Variants in ATP1A3 observed in about 807,000 individuals in gnomAD.
ATP1A3 encodes sodium/potassium-transporting ATPase subunit alpha-3.
ATP1A3 carries 12 observed loss-of-function variants against 108.8 expected under a neutral mutation model. The observed-to-expected ratio is 0.11, with a 90% CI of 0.07 to 0.18. The LOEUF is 0.18. Among genes scored for constraint, ATP1A3 ranks in the 10% least tolerant of loss-of-function variants. The probability of loss-of-function intolerance (pLI) is 1.00; values close to 1 mark genes in which losing one functional copy is unlikely to be tolerated. For missense variants in ATP1A3, 498 were observed against 1,387.7 expected, an observed-to-expected ratio of 0.36 and a Z score of 10.19; for synonymous variants, 539 against 564.5, an observed-to-expected ratio of 0.95 and a Z score of 0.64.
intron 16 of ATP1A3, among the ~76,000 whole-genome samples, chr19:41,974,076 CA>C (rs2075140782): frequency 6.6e-6 from 1 of 152,014 alleles, no homozygotes; most frequent in Admixed American, 6.6e-5. Flanking sequence ...ACTAAAAATA[CA>C]AAAATTAGCC....
chr19:41,970,367 A>G (rs1555859560), intron 17 of ATP1A3, 21 bp downstream of exon 17: 1 of 1,614,200 alleles, frequency 6.2e-7, no homozygotes, highest in Non-Finnish European at 8.5e-7. Context: ...CTGGGCCCCA[A>G]GGGTGGCTGC....
At chr19:41,975,260 C>T (rs1555860700) in intron 16 of ATP1A3, among the ~76,000 whole-genome samples, 1 of 152,184 alleles carries the variant, frequency 6.6e-6, no homozygotes, top group Non-Finnish European at 1.5e-5. Flanking sequence ...ACCATGTTAG[C>T]CAGGATGGTC....
At position 41,981,941 on chromosome 19, in the gene ATP1A3, T is replaced by G; in HGVS notation, c.1159A>C (p.Ile387Leu). The change falls in exon 9 of 23, where the codon ATC (isoleucine) becomes CTC (leucine). Residue 387 changes from isoleucine to leucine, a missense_variant. Ile to Leu is a conservative substitution (Grantham distance 5). This residue lies in a region of ATP1A3 where 36 missense variants were observed against 58.7 expected (regional missense o/e 0.61). Coordinates refer to ENST00000648268, the MANE Select transcript of ATP1A3 (RefSeq NM_152296.5). The surrounding 1 kb of genome is among the most constrained non-coding windows in gnomAD (Gnocchi z 5.0). Reference protein sequence around the residue: ...TVAHMWFDNQIHEADTTEDQS... With the variant: ...TVAHMWFDNQLHEADTTEDQS... ...TCCTCAGTGGTGTCAGCCTCGTGGA[T>G]CTGGTTGTCAAACCACATGTGGGCG... 6.2e-7 allele frequency: 1 copy of G among 1,614,122 alleles called. No homozygotes were observed. The highest frequency in any genetic ancestry group is 1.1e-5 in the South Asian group (1 of 91,080).
At chr19:41,986,314 G>A in intron 4 of ATP1A3, 85 bp from the exon 5 acceptor site, 4 of 1,364,992 alleles carry the variant, frequency 2.9e-6, no homozygotes, top group Middle Eastern at 1.8e-4. Flanking sequence ...TGGGAAGGGA[G>A]CTTTGTGTCA....
intron 18 of ATP1A3, 126 bp from the exon 19 acceptor site, chr19:41,969,706 G>T: frequency 7.3e-7 from 1 of 1,361,248 alleles, no homozygotes; most frequent in Non-Finnish European, 1.0e-6. Flanking sequence ...CTGTTATCTG[G>T]ACATTGGTTC....
At chr19:41,989,919 GTC>G (rs1183968435) in intron 1 of ATP1A3, among the ~76,000 whole-genome samples, 1 of 151,690 alleles carries the variant, frequency 6.6e-6, no homozygotes, top group African/African-American at 2.4e-5. Flanking sequence ...CTATGATTTT[GTC>G]TCTCTCTGAT....
chr19:41,983,884 C>T (rs1293244954), intron 8 of ATP1A3, among the ~76,000 whole-genome samples: 1 of 149,298 alleles, frequency 6.7e-6, no homozygotes, highest in Non-Finnish European at 1.5e-5. Context: ...AAGCTATTCT[C>T]CTGTCTCAGC....
rs1271637417 is a variant in ATP1A3 at position 41,976,301 on chromosome 19, C to T, written c.2094+115G>A. Reference sequence around the variant, plus strand: ...GCCCCCAGACCCTCCTCTCTCAGACCCAGGGGTCCAGACCCCCAGCCCCTC... The same window carrying T: ...GCCCCCAGACCCTCCTCTCTCAGACTCAGGGGTCCAGACCCCCAGCCCCTC... On this transcript the variant is annotated intron_variant, in intron 15 of 22. Coordinates refer to ENST00000648268, the MANE Select transcript of ATP1A3 (RefSeq NM_152296.5). The T allele has an allele frequency of 2.1e-6, 3 of 1,444,480 alleles. No homozygotes were observed. In the African/African-American group the frequency reaches 4.2e-5, roughly 20 times the overall value. The allele number at this position is 1,444,480 out of a possible 1,614,324, so 89.5% of individuals were successfully genotyped here.
At chr19:41,970,010 A>G (rs1259638795) in intron 18 of ATP1A3, among the ~76,000 whole-genome samples, 175 bp downstream of exon 18, 1 of 152,028 alleles carries the variant, frequency 6.6e-6, no homozygotes, top group African/African-American at 2.4e-5. Flanking sequence ...AACAGCAGAG[A>G]GGAGGAGGTG....
chr19:41,984,412 A>G (rs2075266523), intron 8 of ATP1A3: 1 of 157,492 alleles, frequency 6.3e-6, no homozygotes, highest in Admixed American at 6.0e-5. Flanking sequence ...TTCAGTAGAG[A>G]CAGGGTTTCA....
intron 16 of ATP1A3, among the ~76,000 whole-genome samples, chr19:41,972,856 A>G (rs2075126031): frequency 2.3e-5 from 3 of 128,790 alleles, no homozygotes; most frequent in African/African-American, 9.2e-5. Flanking sequence ...GAAGGAAGGA[A>G]GGAAAGAAGG....
intron 14 of ATP1A3, among the ~76,000 whole-genome samples, 200 bp downstream of exon 14, chr19:41,977,736 G>A (rs1055390849): frequency 6.6e-6 from 1 of 152,094 alleles, no homozygotes; most frequent in Non-Finnish European, 1.5e-5. Flanking sequence ...AATAAAGGCT[G>A]GGATGCAAAC....
chr19:41,983,490 C>T (rs1555864151), intron 8 of ATP1A3, among the ~76,000 whole-genome samples: 2 of 151,558 alleles, frequency 1.3e-5, no homozygotes, highest in Non-Finnish European at 2.9e-5. Context: ...TCAATATGCT[C>T]ACAGCTGTCA....
chr19:41,967,398 C>CAGGGGACTGG lies in ATP1A3; in HGVS notation c.2922-68_2922-59dup. ...GGGGCCCTAACGAGAGGCAGAGTTTCAGGGGACTGGAGGGGACGCAGAGGG... is the reference window on the plus strand; with the variant it reads ...GGGGCCCTAACGAGAGGCAGAGTTTCAGGGGACTGGAGGGGACTGGAGGGGACGCAGAGGG... On this transcript the variant is annotated intron_variant, in intron 21 of 22. Coordinates refer to ENST00000648268, the MANE Select transcript of ATP1A3 (RefSeq NM_152296.5). This position sits in a 1 kb window ranked among gnomAD's most constrained non-coding sequence, Gnocchi z 4.2. The CAGGGGACTGG allele has an allele frequency of 6.4e-7, 1 of 1,562,798 alleles. No homozygotes were observed. Among genetic ancestry groups the CAGGGGACTGG allele is most frequent in the Non-Finnish European group, 8.7e-7 (1 of 1,148,604 alleles).
chr19:41,990,441 GTCTC>G (rs2075326458), intron 1 of ATP1A3, among the ~76,000 whole-genome samples: 1 of 92,714 alleles, frequency 1.1e-5, no homozygotes, highest in African/African-American at 4.5e-5. Context: ...CCCTCTCTCT[GTCTC>G]TCTCAAATCT....
chr19:41,967,383 CGA>C lies in ATP1A3; in HGVS notation c.2922-45_2922-44del. 2 of 1,585,464 alleles carry C rather than the reference CGA, an allele frequency of 1.3e-6. No individual in the cohort carries two copies. Among genetic ancestry groups the C allele is most frequent in the Non-Finnish European group, 1.7e-6 (2 of 1,167,004 alleles). ...GGAGGGCTTGAGTGCGGGGCCCTAA[CGA>C]GAGGCAGAGTTTCAGGGGACTGGAG... On this transcript the variant is annotated intron_variant, in intron 21 of 22. Coordinates refer to ENST00000648268, the MANE Select transcript of ATP1A3 (RefSeq NM_152296.5). This position sits in a 1 kb window ranked among gnomAD's most constrained non-coding sequence, Gnocchi z 4.2.
intron 15 of ATP1A3, among the ~76,000 whole-genome samples, 166 bp downstream of exon 15, chr19:41,976,250 C>A (rs1414675383): frequency 4.0e-5 from 6 of 148,168 alleles, no homozygotes; most frequent in African/African-American, 1.5e-4. Context: ...CCCCAGCCCC[C>A]TCCTCCCTCA....
At position 41,988,921 on chromosome 19, in the gene ATP1A3, C is replaced by G. The variant is rs1330438703; in HGVS notation, c.7-359G>C. Among the ~76,000 whole-genome samples, 1 of 152,130 alleles carries G rather than the reference C, an allele frequency of 6.6e-6. No individual in the cohort carries two copies. Among genetic ancestry groups the G allele is most frequent in the Non-Finnish European group, 1.5e-5 (1 of 68,022 alleles). ...TGTGCCCATCTTTGCGGGGCTCTCC[C>G]CTTTTGTGTTCTGTGTCTATGTGAC... On this transcript the variant is annotated intron_variant, in intron 1 of 22. Coordinates refer to ENST00000648268, the MANE Select transcript of ATP1A3 (RefSeq NM_152296.5). The surrounding 1 kb of genome is among the most constrained non-coding windows in gnomAD (Gnocchi z 5.3).
chr19:41,985,820 G>T lies in ATP1A3; in HGVS notation c.606+44C>A. ...GGAGGGGCTGGGCCTGAGCTCCTGG[G>T]CAGCCCGAGGGAGGGTAAAGCCGGG... On this transcript the variant is annotated intron_variant, in intron 6 of 22. Coordinates refer to ENST00000648268, the MANE Select transcript of ATP1A3 (RefSeq NM_152296.5). This position sits in a 1 kb window ranked among gnomAD's most constrained non-coding sequence, Gnocchi z 8.2. 6.2e-7 allele frequency: 1 copy of T among 1,609,452 alleles called. No individual in the cohort carries two copies.
Sources: allele counts gnomAD v4.1 joint callset (sites outside exome capture counted in the v4.1 genomes callset), GRCh38; gene constraint gnomAD v4.1.1; regional missense constraint gnomAD v4.1.1; non-coding constraint Gnocchi (gnomAD v3.1); transcripts MANE v1.5; gene names NCBI Gene and HGNC (gene_info 2026-07-23, HGNC 2026-07-21).